Variants in STAU2 observed in about 807,000 individuals in gnomAD.
STAU2 encodes the protein staufen double-stranded RNA binding protein 2.
Under a neutral mutation model 65.9 loss-of-function variants are expected in STAU2, and 20 were observed. The observed-to-expected ratio is 0.30, with a 90% CI of 0.21 to 0.44. The LOEUF is 0.44. STAU2 is among the 20% of genes least tolerant of loss of function. The pLI, the probability that STAU2 is intolerant of heterozygous loss-of-function variation, is 1.00. For synonymous variants in STAU2, 232 were observed against 233.9 expected (o/e 0.99, Z 0.07); for missense variants, 558 against 683.9 (o/e 0.82, Z 2.05).
intron 12 of STAU2, among the ~76,000 whole-genome samples, chr8:73,556,288 C>G (rs1376102030): frequency 6.6e-6 from 1 of 152,036 alleles, no homozygotes; most frequent in Non-Finnish European, 1.5e-5. Context: ...TAACTCAATC[C>G]TTATTCACAT....
At chr8:73,725,448 G>C (rs1805557393) in intron 3 of STAU2, among the ~76,000 whole-genome samples, 1 of 152,048 alleles carries the variant, frequency 6.6e-6, no homozygotes, top group Non-Finnish European at 1.5e-5. Context: ...TAATTTCTAT[G>C]TATAAGCCCT....
At chr8:73,658,424 T>C (rs1257670963) in intron 6 of STAU2, among the ~76,000 whole-genome samples, 1 of 152,118 alleles carries the variant, frequency 6.6e-6, no homozygotes, top group African/African-American at 2.4e-5. Context: ...AATGTTTCTA[T>C]GAGAAAATAC....
chr8:73,630,122 A>C (rs914682035), intron 6 of STAU2, among the ~76,000 whole-genome samples: 1 of 152,208 alleles, frequency 6.6e-6, no homozygotes, highest in African/African-American at 2.4e-5. Flanking sequence ...AACAATTTAT[A>C]ATTTTCAGTC....
intron 4 of STAU2, among the ~76,000 whole-genome samples, chr8:73,708,704 G>C (rs1299193676): frequency 1.3e-5 from 2 of 152,094 alleles, no homozygotes; most frequent in Non-Finnish European, 2.9e-5. Flanking sequence ...ATATATTCAA[G>C]TACTGGCACT....
chr8:73,744,068 C>T (rs573956762), intron 1 of STAU2, among the ~76,000 whole-genome samples: 1 of 152,178 alleles, frequency 6.6e-6, no homozygotes, highest in South Asian at 2.1e-4. Flanking sequence ...CCCCACCTGG[C>T]CAATTTTTTT....
intron 3 of STAU2, among the ~76,000 whole-genome samples, chr8:73,733,407 G>A (rs1207865816): frequency 1.3e-5 from 2 of 152,070 alleles, no homozygotes; most frequent in Admixed American, 6.6e-5. Context: ...ATGTATCTTC[G>A]TAATTTATAT....
At chr8:73,432,561 A>C (rs566631094) in intron 13 of STAU2, among the ~76,000 whole-genome samples, 1 of 152,356 alleles carries the variant, frequency 6.6e-6, no homozygotes, top group South Asian at 2.1e-4. Flanking sequence ...AAGAGAAACC[A>C]AAAAGACATT....
chr8:73,597,490 T>C (rs1489503313), intron 10 of STAU2, among the ~76,000 whole-genome samples: 1 of 129,744 alleles, frequency 7.7e-6, no homozygotes, highest in Non-Finnish European at 1.6e-5. Flanking sequence ...CCTGTCTTAC[T>C]AAAAATACAA....
chr8:73,560,332 G>A (rs1023250739), intron 12 of STAU2, among the ~76,000 whole-genome samples: 6 of 151,866 alleles, frequency 4.0e-5, no homozygotes, highest in Admixed American at 6.6e-5. Context: ...CGCCCACCTC[G>A]GCCTCCCAAA....
chr8:73,439,131 T>C, intron 13 of STAU2: 1 of 432,012 alleles, frequency 2.3e-6, no homozygotes, highest in Admixed American at 2.5e-5. Context: ...TGACTCTTCG[T>C]GGGGAGAAAA....
At chr8:73,574,577 TA>T (rs1431566503) in intron 12 of STAU2, among the ~76,000 whole-genome samples, 17 of 152,166 alleles carry the variant, frequency 1.1e-4, no homozygotes, top group East Asian at 1.9e-4. Context: ...TATGCAGTCA[TA>T]AAAAAAGGAT....
chr8:73,604,064 G>A (rs909403169), intron 9 of STAU2, among the ~76,000 whole-genome samples: 2 of 152,092 alleles, frequency 1.3e-5, no homozygotes, highest in African/African-American at 4.8e-5. Context: ...TTGGGGCTTA[G>A]ATGTATTAAT....
intron 5 of STAU2, among the ~76,000 whole-genome samples, chr8:73,678,491 T>C (rs1047494348): frequency 1.3e-5 from 2 of 152,242 alleles, no homozygotes; most frequent in African/African-American, 4.8e-5. Flanking sequence ...TCAAGGCCTG[T>C]ATCTTACTTC....
At chr8:73,672,892 G>C (rs1817782240) in intron 6 of STAU2, 1 of 258,008 alleles carries the variant, frequency 3.9e-6, no homozygotes, top group East Asian at 5.9e-5. Context: ...TTACGTTTGT[G>C]GGGTAGGGGA....
At chr8:73,684,062 C>T (rs1434381744) in intron 5 of STAU2, among the ~76,000 whole-genome samples, 4 of 152,072 alleles carry the variant, frequency 2.6e-5, no homozygotes, top group African/African-American at 4.8e-5. Context: ...CTATGCAATT[C>T]GCATCAAAAT....
chr8:73,530,903 C>T (rs1284414896), intron 13 of STAU2, among the ~76,000 whole-genome samples: 6 of 152,220 alleles, frequency 3.9e-5, no homozygotes, highest in East Asian at 1.9e-4. Flanking sequence ...CAAAAGAAAA[C>T]GTGGCTGTCC....
intron 6 of STAU2, among the ~76,000 whole-genome samples, chr8:73,659,638 C>CA (rs1816677221): frequency 6.6e-6 from 1 of 151,760 alleles, no homozygotes; most frequent in East Asian, 1.9e-4. Context: ...CTCAACTGAA[C>CA]AAAAAAATAA....
intron 12 of STAU2, among the ~76,000 whole-genome samples, chr8:73,567,453 G>A (rs1355691296): frequency 6.6e-6 from 1 of 151,944 alleles, no homozygotes; most frequent in Non-Finnish European, 1.5e-5. Flanking sequence ...GTGGCAGTGA[G>A]CCAAGATTAC....
intron 6 of STAU2, among the ~76,000 whole-genome samples, chr8:73,638,869 AT>A (rs1814751479): frequency 6.6e-6 from 1 of 151,944 alleles, no homozygotes; most frequent in African/African-American, 2.4e-5. Flanking sequence ...TAAAAAATTG[AT>A]TTAAAAAAAT....
Sources: allele counts gnomAD v4.1 joint callset (sites outside exome capture counted in the v4.1 genomes callset), GRCh38; gene constraint gnomAD v4.1.1; transcripts MANE v1.5; gene names NCBI Gene and HGNC (gene_info 2026-07-23, HGNC 2026-07-21).